The following ITCH variants were observed in gnomAD, a reference collection of about 807,000 sequenced individuals.
The protein encoded by ITCH is E3 ubiquitin-protein ligase Itchy homolog.
A neutral mutation model predicts 126.8 loss-of-function variants in ITCH; 28 were observed. The observed-to-expected ratio is 0.22, with a 90% CI of 0.16 to 0.30. ITCH has a LOEUF of 0.30. Among genes scored for constraint, ITCH ranks in the 10% least tolerant of loss-of-function variants. ITCH has a pLI of 1.00. For synonymous variants in ITCH, 342 were observed against 340.0 expected (o/e 1.01, Z -0.06); for missense variants, 631 against 1,032.4 (o/e 0.61, Z 5.33).
intron 16 of ITCH, among the ~76,000 whole-genome samples, chr20:34,475,469 A>C (rs1384999915): frequency 6.6e-6 from 1 of 152,206 alleles, no homozygotes; most frequent in African/African-American, 2.4e-5. Context: ...CCCGGCCAAC[A>C]CATCGAAATC....
At chr20:34,471,673 G>GGTGT (rs10606931) in intron 16 of ITCH, among the ~76,000 whole-genome samples, 158 bp downstream of exon 16, 2,166 of 69,336 alleles carry the variant, frequency 0.031, 63 homozygotes, top group East Asian at 0.048. Flanking sequence ...GGGCTTAAGG[G>GGTGT]GTGTGTGTGT....
intron 6 of ITCH, among the ~76,000 whole-genome samples, chr20:34,422,749 C>T (rs1301647117): frequency 1.3e-5 from 2 of 151,956 alleles, no homozygotes; most frequent in Non-Finnish European, 1.5e-5. Context: ...TGCCTGTTTA[C>T]AGGAGCTTCC....
intron 3 of ITCH, among the ~76,000 whole-genome samples, chr20:34,406,075 G>A (rs1301241226): frequency 6.6e-6 from 1 of 150,486 alleles, no homozygotes; most frequent in Admixed American, 6.6e-5. Flanking sequence ...AGGCTGGATT[G>A]CAGTGGTGCA....
chr20:34,507,431 T>C (rs890579095), intron 24 of ITCH, among the ~76,000 whole-genome samples: 4 of 152,004 alleles, frequency 2.6e-5, no homozygotes, highest in Non-Finnish European at 4.4e-5. Flanking sequence ...TGTATGTCTT[T>C]GGAGAAATCT....
At chr20:34,499,457 A>G (rs985143679) in intron 23 of ITCH, among the ~76,000 whole-genome samples, 2 of 150,778 alleles carry the variant, frequency 1.3e-5, no homozygotes, top group Admixed American at 6.6e-5. Flanking sequence ...GAATGTATCA[A>G]TTTCCATAGG....
At chr20:34,468,010 A>G (rs1343218362) in intron 14 of ITCH, among the ~76,000 whole-genome samples, 5 of 150,254 alleles carry the variant, frequency 3.3e-5, no homozygotes, top group African/African-American at 9.8e-5. Flanking sequence ...CAAATTTATG[A>G]GAAACTCTCA....
chr20:34,446,906 A>G (rs974859498), intron 11 of ITCH, among the ~76,000 whole-genome samples: 4 of 152,242 alleles, frequency 2.6e-5, no homozygotes, highest in African/African-American at 9.6e-5. Flanking sequence ...AAATAAATAC[A>G]GATATAAAAT....
At position 34,510,151 on chromosome 20, in the gene ITCH, T is replaced by TCC. The variant is rs1194031326; in HGVS notation, c.*2359_*2360dup. 1 of 152,618 alleles carries TCC rather than the reference T, an allele frequency of 6.6e-6. No individual in the cohort carries two copies. Among genetic ancestry groups the TCC allele is most frequent in the Admixed American group, 6.5e-5 (1 of 15,270 alleles). 9.5% of individuals were successfully genotyped at this position (152,618 alleles called of 1,614,324 possible). A position where few individuals can be genotyped will look rare whatever the true frequency, so the allele number is the denominator to read the frequency against. On this transcript the variant is annotated 3_prime_UTR_variant, in exon 25 of 25. Transcript: ENST00000374864. ...GTATATATTTTTGCAGCCTGGGATC[T>TCC]CCCTACTCCATTTTTTCCTTTAATT...
At chr20:34,455,459 G>GA (rs1017289358) in intron 12 of ITCH, among the ~76,000 whole-genome samples, 5 of 151,110 alleles carry the variant, frequency 3.3e-5, no homozygotes, top group African/African-American at 1.2e-4. Flanking sequence ...TACTAAAAGA[G>GA]AAAATGATAT....
intron 5 of ITCH, among the ~76,000 whole-genome samples, chr20:34,413,536 A>G (rs963224340): frequency 1.1e-4 from 17 of 152,192 alleles, no homozygotes; most frequent in African/African-American, 3.6e-4. Context: ...AATATGAAAC[A>G]TTAGCATATT....
chr20:34,479,547 A>G, intron 17 of ITCH, 83 bp from the exon 18 acceptor site: 1 of 1,129,742 alleles, frequency 8.9e-7, no homozygotes, highest in East Asian at 2.4e-5. Context: ...AGGGGTATAG[A>G]TCCCTGAGAA....
chr20:34,397,150 G>A lies in ITCH; in HGVS notation c.70+3269G>A, dbSNP rs997483607. Among the ~76,000 whole-genome samples the A allele has an allele frequency of 7.9e-5, 12 of 152,048 alleles. No homozygotes were observed. The East Asian group carries it at 2.1e-3, about 27-fold the overall frequency. Reference sequence around the variant, plus strand: ...GCAGTTCTCTGCCTCAGCCTCCCAAGTAGCTGGGGTTATAGGCGCCCGCCA... The same window carrying A: ...GCAGTTCTCTGCCTCAGCCTCCCAAATAGCTGGGGTTATAGGCGCCCGCCA... On this transcript the variant is annotated intron_variant, in intron 3 of 24. Coordinates refer to ENST00000374864, the MANE Select transcript of ITCH (RefSeq NM_031483.7).
intron 16 of ITCH, 66 bp downstream of exon 16, chr20:34,471,581 T>A: frequency 1.0e-6 from 1 of 962,252 alleles, no homozygotes; most frequent in Non-Finnish European, 1.7e-6. Context: ...TTTGGTGCTG[T>A]CAGTTTAATC....
rs2038049968 is a variant in ITCH at position 34,381,240 on chromosome 20, CA to C, written c.-22+11777del. Among the ~76,000 whole-genome samples the C allele has an allele frequency of 3.3e-5, 5 of 151,420 alleles. No individual in the cohort carries two copies. In the South Asian group the frequency reaches 1.0e-3, roughly 32 times the overall value. Reference sequence around the variant, plus strand: ...ACAAAGTCTACAAAACGAAACAAAACAAAAAAACAACTATCTGGACGTGGTG... The same window carrying C: ...ACAAAGTCTACAAAACGAAACAAAACAAAAAACAACTATCTGGACGTGGTG... On this transcript the variant is annotated intron_variant, in intron 2 of 24. Coordinates refer to ENST00000374864, the MANE Select transcript of ITCH (RefSeq NM_031483.7).
intron 6 of ITCH, 71 bp downstream of exon 6, chr20:34,413,950 G>C: frequency 2.4e-6 from 3 of 1,273,216 alleles, no homozygotes; most frequent in South Asian, 2.6e-5. Flanking sequence ...TATGCTGTAT[G>C]TAATTATTTT....
At position 34,396,481 on chromosome 20, in the gene ITCH, C is replaced by T. The variant is rs183562015; in HGVS notation, c.70+2600C>T. Among the ~76,000 whole-genome samples the T allele has an allele frequency of 1.9e-4, 29 of 151,768 alleles. No homozygotes were observed. The East Asian group carries it at 1.9e-3, about 10-fold the overall frequency. On this transcript the variant is annotated intron_variant, in intron 3 of 24. Coordinates refer to ENST00000374864, the MANE Select transcript of ITCH (RefSeq NM_031483.7). ...AGTAGTATTTTACTCTGTGTGTGTGCGCGCGTGCATATGTTTTATCCATTT... is the reference window on the plus strand; with the variant it reads ...AGTAGTATTTTACTCTGTGTGTGTGTGCGCGTGCATATGTTTTATCCATTT...
intron 14 of ITCH, among the ~76,000 whole-genome samples, chr20:34,468,857 GTC>G (rs1157864084): frequency 1.3e-5 from 2 of 151,974 alleles, no homozygotes; most frequent in African/African-American, 2.4e-5. Context: ...AAGTAAAACT[GTC>G]TCTTTTCCCC....
At chr20:34,401,541 A>C in intron 3 of ITCH, 2 of 491,618 alleles carry the variant, frequency 4.1e-6, no homozygotes, top group South Asian at 8.8e-5. Context: ...TCAAGGGTGG[A>C]GTAAAAAGGC....
chr20:34,433,145 C>A (rs1445289949), intron 7 of ITCH, among the ~76,000 whole-genome samples: 3 of 152,004 alleles, frequency 2.0e-5, no homozygotes, highest in African/African-American at 7.3e-5. Context: ...CAAAAATTGG[C>A]CGGGCATGGT....
Sources: gnomAD v4.1 joint callset for allele counts (sites outside exome capture counted in the v4.1 genomes callset) on GRCh38, gnomAD v4.1.1 for gene constraint, MANE v1.5 for transcripts, NCBI Gene and HGNC (gene_info 2026-07-23, HGNC 2026-07-21) for gene names.